Variants in CACNB2 observed in about 807,000 individuals in gnomAD.
The protein encoded by CACNB2 is voltage-dependent L-type calcium channel subunit beta-2.
CACNB2 carries 42 observed loss-of-function variants against 73.3 expected under a neutral mutation model. The observed-to-expected ratio is 0.57, with a 90% CI of 0.45 to 0.74. The LOEUF is 0.74. Among genes scored for constraint, CACNB2 ranks in the 30% least tolerant of loss-of-function variants. CACNB2 has a pLI of 0.00. For synonymous variants in CACNB2, 348 were observed against 310.3 expected (o/e 1.12, Z -1.28); for missense variants, 940 against 853.0 (o/e 1.10, Z -1.27).
chr10:18,475,850 G>A (rs2048414389), intron 3 of CACNB2, among the ~76,000 whole-genome samples: 1 of 152,118 alleles, frequency 6.6e-6, no homozygotes, highest in Admixed American at 6.5e-5. Flanking sequence ...TAGGTACACG[G>A]TCCAGTTCAT....
intron 2 of CACNB2, among the ~76,000 whole-genome samples, chr10:18,159,690 A>G (rs1414371331): frequency 1.3e-5 from 2 of 152,222 alleles, no homozygotes; most frequent in Non-Finnish European, 1.5e-5. Flanking sequence ...AGAGGCACAC[A>G]GTCTATTTTT....
intron 2 of CACNB2, among the ~76,000 whole-genome samples, chr10:18,263,743 C>A (rs1040256156): frequency 1.4e-4 from 22 of 152,146 alleles, no homozygotes; most frequent in African/African-American, 4.8e-4. Context: ...TAAGCTGTTG[C>A]TTTTATTAGG....
At chr10:18,357,862 C>G (rs557878546) in intron 2 of CACNB2, among the ~76,000 whole-genome samples, 1 of 152,242 alleles carries the variant, frequency 6.6e-6, no homozygotes, top group South Asian at 2.1e-4. Context: ...AAAAATCCAG[C>G]AGTACCTTTC....
At chr10:18,274,801 A>G (rs1045431466) in intron 2 of CACNB2, among the ~76,000 whole-genome samples, 1 of 152,212 alleles carries the variant, frequency 6.6e-6, no homozygotes, top group Non-Finnish European at 1.5e-5. Context: ...GACCAAAAAA[A>G]CACTTAAAAT....
At chr10:18,326,086 A>C (rs1318540910) in intron 2 of CACNB2, among the ~76,000 whole-genome samples, 1 of 152,134 alleles carries the variant, frequency 6.6e-6, no homozygotes, top group Non-Finnish European at 1.5e-5. Flanking sequence ...TCCTATGCTA[A>C]CCTGACTCTG....
chr10:18,301,562 T>C lies in CACNB2; in HGVS notation c.214-100362T>C, dbSNP rs532787690. On this transcript the variant is annotated intron_variant, in intron 2 of 13. Transcript: ENST00000324631. ...GTGAGGTATGATTATGACACTGCAC[T>C]CCAGCCTGGGTAACAGAGCGAGATC... Among the ~76,000 whole-genome samples the C allele has an allele frequency of 4.0e-5, 6 of 151,876 alleles. No homozygotes were observed. In the South Asian group the frequency reaches 1.0e-3, roughly 27 times the overall value.
intron 8 of CACNB2, 85 bp from the exon 9 acceptor site, chr10:18,518,825 G>T: frequency 2.4e-6 from 3 of 1,246,106 alleles, no homozygotes; most frequent in Non-Finnish European, 3.5e-6. Context: ...AGGTTTTCAA[G>T]CATTCCTAAG....
chr10:18,347,101 C>T (rs1425556765), intron 2 of CACNB2, among the ~76,000 whole-genome samples: 1 of 152,120 alleles, frequency 6.6e-6, no homozygotes, highest in African/African-American at 2.4e-5. Context: ...AAGAAAAAGG[C>T]TTTGATTTGA....
chr10:18,454,873 G>A (rs748232920), intron 3 of CACNB2, among the ~76,000 whole-genome samples: 24 of 151,958 alleles, frequency 1.6e-4, no homozygotes, highest in African/African-American at 2.4e-4. Flanking sequence ...ACTGCCCCCC[G>A]CTACAAAAAA....
chr10:18,196,924 T>C (rs1392688889), intron 2 of CACNB2, among the ~76,000 whole-genome samples: 3 of 152,138 alleles, frequency 2.0e-5, no homozygotes, highest in African/African-American at 4.8e-5. Context: ...ATCCTGAGTT[T>C]TTCTTGCTAT....
chr10:18,538,160 T>C lies in CACNB2; in HGVS notation c.1303-20T>C. On this transcript the variant is annotated intron_variant, in intron 12 of 13. Transcript: ENST00000324631. Reference sequence around the variant, plus strand: ...AAACTGGGCTGGCATCAATGTGGTCTGGAATGTCTGCCTCTGCAGGAGCTG... The same window carrying C: ...AAACTGGGCTGGCATCAATGTGGTCCGGAATGTCTGCCTCTGCAGGAGCTG... 1 of 1,613,932 alleles carries C rather than the reference T, an allele frequency of 6.2e-7. No individual in the cohort carries two copies. Among genetic ancestry groups the C allele is most frequent in the Non-Finnish European group, 8.5e-7 (1 of 1,179,866 alleles).
At chr10:18,407,667 C>T (rs1011211082) in intron 3 of CACNB2, among the ~76,000 whole-genome samples, 6 of 151,942 alleles carry the variant, frequency 3.9e-5, no homozygotes, top group Non-Finnish European at 7.4e-5. Flanking sequence ...CTGGTTTGTG[C>T]GATATTTGAT....
chr10:18,148,538 T>G (rs2031216982), intron 1 of CACNB2, among the ~76,000 whole-genome samples: 1 of 152,228 alleles, frequency 6.6e-6, no homozygotes, highest in Admixed American at 6.5e-5. Flanking sequence ...TGACTGAATG[T>G]CTTCAACATT....
At chr10:18,442,164 A>T (rs7081068) in intron 3 of CACNB2, among the ~76,000 whole-genome samples, 41,728 of 151,318 alleles carry the variant, frequency 0.28, 5,914 homozygotes, top group East Asian at 0.35. Flanking sequence ...TCTTTTTTTT[A>T]TTGAGACGGA....
chr10:18,365,872 A>T (rs1373491550), intron 2 of CACNB2, among the ~76,000 whole-genome samples: 2 of 152,198 alleles, frequency 1.3e-5, no homozygotes, highest in Non-Finnish European at 2.9e-5. Flanking sequence ...AAGAAAAGAA[A>T]TGTATAGAAC....
intron 2 of CACNB2, among the ~76,000 whole-genome samples, chr10:18,397,893 A>G (rs1233249160): frequency 2.0e-5 from 3 of 152,224 alleles, no homozygotes. Flanking sequence ...AGTACAAGTT[A>G]CATTTTCAGA....
At chr10:18,520,351 GTTGTCT>G (rs1280415327) in intron 9 of CACNB2, among the ~76,000 whole-genome samples, 1 of 152,108 alleles carries the variant, frequency 6.6e-6, no homozygotes, top group Non-Finnish European at 1.5e-5. Flanking sequence ...TGCAAATGCT[GTTGTCT>G]TTATCTTCAA....
At chr10:18,384,124 G>A (rs2043129299) in intron 2 of CACNB2, among the ~76,000 whole-genome samples, 1 of 152,144 alleles carries the variant, frequency 6.6e-6, no homozygotes, top group South Asian at 2.1e-4. Flanking sequence ...GAGGCACCGT[G>A]TTCCCAAGGA....
At chr10:18,266,613 G>T (rs1263351657) in intron 2 of CACNB2, among the ~76,000 whole-genome samples, 1 of 152,116 alleles carries the variant, frequency 6.6e-6, no homozygotes. Context: ...AGCGGGCCGG[G>T]CACGGTGGCT....
Sources: gnomAD v4.1 joint callset for allele counts (sites outside exome capture counted in the v4.1 genomes callset) on GRCh38, gnomAD v4.1.1 for gene constraint, MANE v1.5 for transcripts, NCBI Gene and HGNC (gene_info 2026-07-23, HGNC 2026-07-21) for gene names.